The following GGNBP2 variants were observed in gnomAD, a reference collection of about 807,000 sequenced individuals.
GGNBP2 encodes the protein gametogenetin binding protein 2.
In GGNBP2, 10 loss-of-function variants were observed where a neutral mutation model predicts 85.9. The observed-to-expected ratio is 0.12, with a 90% CI of 0.07 to 0.20. The LOEUF (loss-of-function observed/expected upper bound fraction) is 0.20, where lower values mean the gene tolerates loss of function less well. GGNBP2 is among the 10% of genes least tolerant of loss of function. The probability of loss-of-function intolerance (pLI) is 1.00; values close to 1 mark genes in which losing one functional copy is unlikely to be tolerated. For missense variants in GGNBP2, 595 were observed against 857.8 expected (o/e 0.69, Z 3.83); for synonymous variants, 287 against 285.7 (o/e 1.00, Z -0.05).
Position 36,554,825 on chromosome 17 carries a change from G to T in GGNBP2, c.99G>T (p.Val33=), listed in dbSNP as rs746908543. The T allele has an allele frequency of 2.5e-6, 4 of 1,594,806 alleles. No homozygotes were observed. In the African/African-American group the frequency reaches 5.4e-5, roughly 21 times the overall value. Residue 33 remains valine (V), a synonymous_variant, in exon 3 of 14, where the codon GTG becomes GTT. Transcript: ENST00000613102. ...PLYIDDTLTM[V]MEFPDNVLNL... is the part of the protein sequence containing the mutation. ...CGTTCTGTTTGCATTTTAAGATGGT[G>T]ATGGAATTTCCTGATAATGTGTTAA...
chr17:36,579,925 G>C lies in GGNBP2; in HGVS notation c.1020+506G>C, dbSNP rs1274447967. Among the ~76,000 whole-genome samples, 6 of 152,090 alleles carry C rather than the reference G, an allele frequency of 3.9e-5. 1 individual carries two copies. Among genetic ancestry groups the C allele is most frequent in the Non-Finnish European group, 1.5e-5 (1 of 68,028 alleles). ...CTTGGGAGGCTGAGACAGGAGAGTT[G>C]CTTCAACCTGGGAGGTGGAGGTTGC... On this transcript the variant is annotated intron_variant, in intron 8 of 13. Transcript: ENST00000613102.
chr17:36,577,158 C>T (rs1158197872), intron 6 of GGNBP2: 1 of 152,202 alleles, frequency 6.6e-6, no homozygotes, highest in Non-Finnish European at 1.5e-5. Flanking sequence ...TATTGTGAGC[C>T]TGGCTTTTCC....
intron 3 of GGNBP2, 93 bp from the exon 4 acceptor site, chr17:36,556,990 A>T (rs1271635219): frequency 6.8e-7 from 1 of 1,464,732 alleles, no homozygotes; most frequent in Non-Finnish European, 9.4e-7. Flanking sequence ...GCCAGGTTGT[A>T]CTTTACTGCA....
rs535846101 is a variant in GGNBP2 at position 36,551,201 on chromosome 17, T to C, written c.94-3619T>C. Among the ~76,000 whole-genome samples, 12 of 142,750 alleles carry C rather than the reference T, an allele frequency of 8.4e-5. No individual in the cohort carries two copies. The East Asian group carries it at 2.5e-3, about 30-fold the overall frequency. The allele number at this position is 142,750 out of a possible 152,430, so 93.6% of individuals were successfully genotyped here. On this transcript the variant is annotated intron_variant, in intron 2 of 13. Transcript: ENST00000613102. The stretch of plus-strand genomic sequence containing the variant: ...TTTGTTTTTAAAAATAACCGTGTTC[T>C]TTATTGACTTTTTTTTTTTTTTGAG...
intron 6 of GGNBP2, among the ~76,000 whole-genome samples, chr17:36,568,374 G>A (rs1599525631): frequency 6.6e-6 from 1 of 151,890 alleles, no homozygotes; most frequent in South Asian, 2.1e-4. Flanking sequence ...TCGGATCACT[G>A]TTCCCTCCGC....
intron 6 of GGNBP2, among the ~76,000 whole-genome samples, chr17:36,573,210 T>G (rs924669945): frequency 6.6e-6 from 1 of 152,154 alleles, no homozygotes; most frequent in African/African-American, 2.4e-5. Context: ...CCTCCCGAGT[T>G]CAAGTGATTC....
chr17:36,580,251 A>G (rs1156366874), intron 8 of GGNBP2, among the ~76,000 whole-genome samples: 1 of 144,744 alleles, frequency 6.9e-6, no homozygotes, highest in Non-Finnish European at 1.5e-5. Flanking sequence ...TCTGTTACCC[A>G]GGCTGGAGTG....
chr17:36,562,522 ATTT>A (rs374250202), intron 5 of GGNBP2, among the ~76,000 whole-genome samples: 2 of 132,430 alleles, frequency 1.5e-5, no homozygotes, highest in African/African-American at 2.8e-5. Flanking sequence ...CCTTTTTTTG[ATTT>A]TTTTTTTTTT....
chr17:36,574,930 G>A (rs1232151020), intron 6 of GGNBP2: 49 of 1,047,926 alleles, frequency 4.7e-5, no homozygotes, highest in East Asian at 2.3e-4. Flanking sequence ...CACCCAGACC[G>A]ATGTGGCCAT....
At chr17:36,585,651 G>T (rs2074693615) in intron 10 of GGNBP2, 189 bp from the exon 11 acceptor site, 2 of 619,582 alleles carry the variant, frequency 3.2e-6, no homozygotes, top group African/African-American at 1.9e-5. Context: ...ACGAAAAATG[G>T]TAAATTCCTA....
chr17:36,570,667 C>T (rs1032565582), intron 6 of GGNBP2, among the ~76,000 whole-genome samples: 7 of 151,826 alleles, frequency 4.6e-5, no homozygotes, highest in Admixed American at 6.6e-5. Flanking sequence ...CGCGCCATTG[C>T]GCTCCAGCCT....
chr17:36,579,406 G>A lies in GGNBP2; in HGVS notation c.1007G>A (p.Arg336His), dbSNP rs1402425607. ...MLFYLGVDAL[R>H]KSFEMTVEKV... ...TTCTATCTTGGTGTTGATGCTTTACGCAAGAGTTTTGAGGTAAGAACAGTG... is the reference window on the plus strand; with the variant it reads ...TTCTATCTTGGTGTTGATGCTTTACACAAGAGTTTTGAGGTAAGAACAGTG... Residue 336 changes from arginine (R) to histidine (H), a missense_variant, in exon 8 of 14, where the codon CGC becomes CAC. By Grantham distance (29) the Arg-to-His change is conservative. Transcript: ENST00000613102. 4.3e-6 allele frequency: 7 copies of A among 1,613,946 alleles called. No individual in the cohort carries two copies. Among genetic ancestry groups the A allele is most frequent in the East Asian group, 2.2e-5 (1 of 44,886 alleles).
At chr17:36,585,716 GA>G (rs531016635) in intron 10 of GGNBP2, 123 bp from the exon 11 acceptor site, 16 of 798,068 alleles carry the variant, frequency 2.0e-5, no homozygotes, top group Non-Finnish European at 2.7e-5. Flanking sequence ...TCCTTCATTG[GA>G]AATGTTCTAC....
rs78359440 is a variant in GGNBP2, at chr17:36,579,240, T to C, written c.846-5T>C. On this transcript the variant is annotated splice_polypyrimidine_tract_variant and splice_region_variant and intron_variant, in intron 7 of 13. Coordinates refer to ENST00000613102, the MANE Select transcript of GGNBP2 (RefSeq NM_024835.5). ...GTATTAGTGTGTGATTATTCCCTTT[T>C]ATAGGCGAAGAGAAAGGCATGCAAA... The C allele has an allele frequency of 1.8e-3, 2,901 of 1,612,936 alleles. 92 individuals are homozygous for C. In the East Asian group the frequency reaches 0.05, roughly 28 times the overall value.
chr17:36,554,812 A>G lies in GGNBP2; in HGVS notation c.94-8A>G. ...AGTAATTGATTTCCGTTCTGTTTGCATTTTAAGATGGTGATGGAATTTCCT... is the reference window on the plus strand; with the variant it reads ...AGTAATTGATTTCCGTTCTGTTTGCGTTTTAAGATGGTGATGGAATTTCCT... On this transcript the variant is annotated splice_region_variant and splice_polypyrimidine_tract_variant and intron_variant, in intron 2 of 13. Transcript: ENST00000613102. The G allele has an allele frequency of 2.6e-6, 4 of 1,566,156 alleles. No individual in the cohort carries two copies. The highest frequency in any genetic ancestry group is 2.6e-6 in the Non-Finnish European group (3 of 1,136,370).
intron 2 of GGNBP2, among the ~76,000 whole-genome samples, chr17:36,548,215 G>C (rs150422885): frequency 1.1e-4 from 16 of 152,336 alleles, no homozygotes; most frequent in Non-Finnish European, 2.4e-4. Flanking sequence ...TTTACAGGCA[G>C]TTGCAGACTT....
intron 5 of GGNBP2, among the ~76,000 whole-genome samples, chr17:36,565,394 G>A (rs1205404037): frequency 6.6e-6 from 1 of 151,914 alleles, no homozygotes; most frequent in Non-Finnish European, 1.5e-5. Context: ...GAAGGCATAA[G>A]GTCTAGAATG....
At chr17:36,571,950 G>A (rs1027037655) in intron 6 of GGNBP2, among the ~76,000 whole-genome samples, 1 of 152,068 alleles carries the variant, frequency 6.6e-6, no homozygotes, top group African/African-American at 2.4e-5. Context: ...TCGGGAGGCT[G>A]AGGTGGGAGG....
intron 12 of GGNBP2, 38 bp downstream of exon 12, chr17:36,586,236 T>C (rs374037532): frequency 1.8e-5 from 29 of 1,593,614 alleles, no homozygotes; most frequent in Admixed American, 1.0e-4. Flanking sequence ...ACCTTTGCTG[T>C]TGAGGACAGA....
Sources: gnomAD v4.1 joint callset for allele counts (sites outside exome capture counted in the v4.1 genomes callset) on GRCh38, gnomAD v4.1.1 for gene constraint, MANE v1.5 for transcripts, NCBI Gene and HGNC (gene_info 2026-07-23, HGNC 2026-07-21) for gene names.